CUBN: variants seen among roughly 807,000 people sequenced by gnomAD.
CUBN encodes the protein 460 kDa receptor.
A neutral mutation model predicts 405.3 loss-of-function variants in CUBN; 282 were observed. The observed-to-expected ratio is 0.70, with a 90% confidence interval of 0.63 to 0.77. The LOEUF is 0.77. Ranked by LOEUF, CUBN falls within the 30% of genes least tolerant of loss-of-function variation. CUBN has a pLI of 0.00. For missense variants in CUBN, 4,514 were observed against 4,475.2 expected (o/e 1.01, Z -0.25); for synonymous variants, 1,684 against 1,617.0 (o/e 1.04, Z -0.99).
chr10:16,825,223 C>G lies in CUBN; in HGVS notation c.10765-141G>C, dbSNP rs529284339. 19 of 642,172 alleles carry G rather than the reference C, an allele frequency of 3.0e-5. No individual in the cohort carries two copies. In the South Asian group the frequency reaches 3.1e-4, roughly 11 times the overall value. The allele number at this position is 642,172 out of a possible 1,614,324, so 39.8% of individuals were successfully genotyped here. A position where few individuals can be genotyped will look rare whatever the true frequency, so the allele number is the denominator to read the frequency against. On this transcript the variant is annotated intron_variant, in intron 66 of 66. Transcript: ENST00000377833. ...AACCTGCATATATTTCTTGAAGTAA[C>G]CTTGCAAAGAATGAATGCAAATGCT...
intron 14 of CUBN, 127 bp downstream of exon 14, chr10:17,099,878 T>C (rs1836458283): frequency 5.4e-6 from 2 of 369,758 alleles, no homozygotes; most frequent in African/African-American, 2.2e-5. Context: ...TAAAATAAAA[T>C]AAATTATAAA....
intron 28 of CUBN, among the ~76,000 whole-genome samples, chr10:17,001,398 T>C (rs952625322): frequency 7.9e-5 from 12 of 152,210 alleles, no homozygotes; most frequent in Non-Finnish European, 1.6e-4. Flanking sequence ...TTGGTCCACT[T>C]TACAGAGTGC....
intron 66 of CUBN, among the ~76,000 whole-genome samples, chr10:16,826,293 A>AC (rs1838778693): frequency 1.1e-5 from 1 of 94,240 alleles, no homozygotes; most frequent in Non-Finnish European, 2.1e-5. Context: ...AAGTTTAACA[A>AC]ACATATTTAC....
At chr10:17,091,399 T>C (rs921279020) in intron 14 of CUBN, among the ~76,000 whole-genome samples, 1 of 36,218 alleles carries the variant, frequency 2.8e-5, no homozygotes, top group Non-Finnish European at 4.9e-5. Flanking sequence ...TTTGAATACT[T>C]TTTAAAAAAA....
intron 59 of CUBN, among the ~76,000 whole-genome samples, chr10:16,869,170 T>G (rs917597788): frequency 2.0e-5 from 3 of 149,724 alleles, no homozygotes; most frequent in African/African-American, 7.4e-5. Context: ...AGTGATTTTT[T>G]TTTTTTTTTT....
rs1393264346 is a variant in CUBN, at chr10:16,948,531, T to A, written c.5156A>T (p.Asp1719Val). 3 of 1,614,082 alleles carry A rather than the reference T, an allele frequency of 1.9e-6. No homozygotes were observed. Among genetic ancestry groups the A allele is most frequent in the Admixed American group, 1.7e-5 (1 of 60,018 alleles). The change falls in exon 35 of 67, where the codon GAT (aspartate) becomes GTT (valine). Residue 1719 changes from aspartate (D) to valine (V), a missense_variant. Coordinates refer to ENST00000377833, the MANE Select transcript of CUBN (RefSeq NM_001081.4). ...GAAACCCCCAGCACTGATGCTAGAA[T>A]CAGAGACGAATCTCAGCGTCAGGGC... ...SSALTLRFVS[D>V]SSISAGGFHT...
At position 16,828,841 on chromosome 10, in the gene CUBN, G is replaced by C. The variant is rs368511477; in HGVS notation, c.10728C>G (p.Asn3576Lys). ...QNYLTLYDGP[N>K]ASSPSSGPYC... ...ATGGTCCAGAGGATGGAGAGCTGGC[G>C]TTGGGCCCATCATAGAGTGTGAGAT... The change falls in exon 66 of 67, where the codon AAC (asparagine) becomes AAG (lysine). Residue 3576 changes from asparagine (N) to lysine (K), a missense_variant. By Grantham distance (94) the Asn-to-Lys change is moderately conservative. Coordinates refer to ENST00000377833, the MANE Select transcript of CUBN (RefSeq NM_001081.4). The C allele has an allele frequency of 5.6e-6, 9 of 1,613,982 alleles. No homozygotes were observed. The East Asian group carries it at 2.0e-4, about 36-fold the overall frequency.
At chr10:16,869,530 G>T in intron 59 of CUBN, 106 bp downstream of exon 59, 1 of 848,664 alleles carries the variant, frequency 1.2e-6, no homozygotes. Context: ...TAAGCTTCAA[G>T]GAAAAGCAAT....
intron 1 of CUBN, 71 bp from the exon 2 acceptor site, chr10:17,129,321 T>C (rs893844591): frequency 1.9e-5 from 30 of 1,538,568 alleles, no homozygotes; most frequent in African/African-American, 2.7e-5. Context: ...TAACAAAGTT[T>C]CTTACTGAAT....
At chr10:16,869,001 T>A (rs1840269243) in intron 59 of CUBN, among the ~76,000 whole-genome samples, 1 of 152,076 alleles carries the variant, frequency 6.6e-6, no homozygotes, top group African/African-American at 2.4e-5. Context: ...GTGCTTCCAA[T>A]GTATTCTGCC....
chr10:16,862,005 C>T (rs1030953514), intron 59 of CUBN, among the ~76,000 whole-genome samples: 1 of 152,030 alleles, frequency 6.6e-6, no homozygotes, highest in Admixed American at 6.6e-5. Context: ...AAAACTTAGC[C>T]AGGCGTGGTT....
chr10:16,888,677 A>G, intron 55 of CUBN, 111 bp from the exon 56 acceptor site: 1 of 894,500 alleles, frequency 1.1e-6, no homozygotes, highest in Admixed American at 1.7e-5. Flanking sequence ...GTTCCCTGAG[A>G]TATTCCAAAT....
intron 60 of CUBN, among the ~76,000 whole-genome samples, chr10:16,843,049 G>T (rs1839401524): frequency 6.6e-6 from 1 of 152,162 alleles, no homozygotes; most frequent in Admixed American, 6.5e-5. Flanking sequence ...AATCAAAACT[G>T]ATCTTATTTA....
chr10:16,955,598 A>G (rs1342010343), intron 31 of CUBN, among the ~76,000 whole-genome samples: 1 of 151,906 alleles, frequency 6.6e-6, no homozygotes, highest in Non-Finnish European at 1.5e-5. Context: ...ATTTTTGAAT[A>G]CTCTTATGTG....
chr10:16,930,988 G>A (rs899082827), intron 40 of CUBN, among the ~76,000 whole-genome samples: 1 of 152,020 alleles, frequency 6.6e-6, no homozygotes, highest in Non-Finnish European at 1.5e-5. Flanking sequence ...CAGGTGTGGT[G>A]GCTCACACCT....
chr10:17,127,741 A>G (rs1230919553), intron 3 of CUBN, 88 bp downstream of exon 3: 8 of 869,128 alleles, frequency 9.2e-6, no homozygotes, highest in Non-Finnish European at 1.5e-5. Flanking sequence ...AGAGCACACA[A>G]AGTTGGTATA....
Position 16,824,672 on chromosome 10 carries a change from C to G in CUBN, c.*303G>C. ...AGTGGCTGGAATTACAGGCACCCAC[C>G]ACCACGCCTGGCTAATTATTATATT... On this transcript the variant is annotated 3_prime_UTR_variant, in exon 67 of 67. Transcript: ENST00000377833. The G allele has an allele frequency of 2.8e-6, 1 of 353,852 alleles. No homozygotes were observed. The highest frequency in any genetic ancestry group is 5.5e-6 in the Non-Finnish European group (1 of 180,254). 21.9% of individuals were successfully genotyped at this position (353,852 alleles called of 1,614,324 possible).
chr10:17,100,474 C>A (rs1317759822), intron 13 of CUBN, among the ~76,000 whole-genome samples: 5 of 152,096 alleles, frequency 3.3e-5, no homozygotes, highest in Non-Finnish European at 1.5e-5. Flanking sequence ...ATGTTAATAA[C>A]ATAGATTTAC....
chr10:16,878,259 G>A (rs1840570260), intron 56 of CUBN, among the ~76,000 whole-genome samples: 1 of 152,124 alleles, frequency 6.6e-6, no homozygotes, highest in Non-Finnish European at 1.5e-5. Context: ...CTTCACTCCA[G>A]CCTGGGTGAT....
Sources: allele counts gnomAD v4.1 joint callset (sites outside exome capture counted in the v4.1 genomes callset), GRCh38; gene constraint gnomAD v4.1.1; transcripts MANE v1.5; gene names NCBI Gene and HGNC (gene_info 2026-07-23, HGNC 2026-07-21).